CNTNAP2: variants seen among roughly 807,000 people sequenced by gnomAD.
CNTNAP2 encodes contactin associated protein 2, also known as contactin-associated protein-like 2.
CNTNAP2 carries 98 observed loss-of-function variants against 155.2 expected under a neutral mutation model. The ratio of observed to expected loss-of-function variants is 0.63; its 90% CI spans 0.54 to 0.75. The LOEUF is 0.75. CNTNAP2 is among the 30% of genes least tolerant of loss of function. The pLI is 0.00. For synonymous variants in CNTNAP2, 651 were observed against 631.2 expected, an observed-to-expected ratio of 1.03 and a Z score of -0.47; for missense variants, 1,727 against 1,688.1, an observed-to-expected ratio of 1.02 and a Z score of -0.40.
intron 22 of CNTNAP2, among the ~76,000 whole-genome samples, chr7:148,396,332 T>C (rs1799467627): frequency 6.6e-6 from 1 of 152,236 alleles, no homozygotes; most frequent in Admixed American, 6.5e-5. Context: ...AGATGCTTCC[T>C]ACTGTACCGC....
intron 21 of CNTNAP2, among the ~76,000 whole-genome samples, chr7:148,317,376 A>G (rs1286643379): frequency 6.6e-6 from 1 of 151,936 alleles, no homozygotes; most frequent in Non-Finnish European, 1.5e-5. Flanking sequence ...AATTCATGGT[A>G]TTATTCTTTT....
intron 14 of CNTNAP2, among the ~76,000 whole-genome samples, chr7:147,914,667 T>C (rs1004319121): frequency 6.6e-6 from 1 of 152,216 alleles, no homozygotes. Flanking sequence ...GCTCAGGTGA[T>C]CCTCCCACTT....
chr7:146,417,244 G>C (rs1795950192), intron 1 of CNTNAP2, among the ~76,000 whole-genome samples: 1 of 152,074 alleles, frequency 6.6e-6, no homozygotes, highest in African/African-American at 2.4e-5. Flanking sequence ...AAAGCTACTT[G>C]GCAAAGCTTA....
intron 3 of CNTNAP2, among the ~76,000 whole-genome samples, chr7:146,999,530 C>G (rs1473579806): frequency 6.6e-6 from 1 of 151,902 alleles, no homozygotes; most frequent in East Asian, 1.9e-4. Context: ...CACTGGTGTC[C>G]TTTCCTTTCA....
chr7:148,397,673 T>G (rs1407584048), intron 22 of CNTNAP2, among the ~76,000 whole-genome samples: 1 of 152,208 alleles, frequency 6.6e-6, no homozygotes, highest in Non-Finnish European at 1.5e-5. Context: ...TTTTTCACAC[T>G]CCGTTGACAT....
intron 8 of CNTNAP2, among the ~76,000 whole-genome samples, chr7:147,140,752 G>A (rs533643937): frequency 3.9e-5 from 6 of 152,214 alleles, no homozygotes; most frequent in African/African-American, 1.2e-4. Flanking sequence ...TCCTAGGATC[G>A]AGAGACCTGC....
At chr7:147,038,657 G>A (rs1458189402) in intron 3 of CNTNAP2, among the ~76,000 whole-genome samples, 1 of 152,120 alleles carries the variant, frequency 6.6e-6, no homozygotes, top group African/African-American at 2.4e-5. Flanking sequence ...TGTGGTAGCT[G>A]TCCTGCTGTT....
intron 13 of CNTNAP2, among the ~76,000 whole-genome samples, chr7:147,852,568 G>A (rs1280659802): frequency 1.3e-5 from 2 of 152,072 alleles, no homozygotes; most frequent in African/African-American, 2.4e-5. Context: ...ACTATACAAA[G>A]CCTTCCTTAA....
At chr7:146,758,573 T>A (rs1585076611) in intron 1 of CNTNAP2, among the ~76,000 whole-genome samples, 1 of 152,118 alleles carries the variant, frequency 6.6e-6, no homozygotes, top group South Asian at 2.1e-4. Flanking sequence ...TGGCAGAAGG[T>A]GAAAGGCACA....
At chr7:147,703,231 C>A (rs1796262722) in intron 13 of CNTNAP2, among the ~76,000 whole-genome samples, 1 of 152,052 alleles carries the variant, frequency 6.6e-6, no homozygotes, top group Admixed American at 6.6e-5. Context: ...TAGAACACTG[C>A]AAAAACTGAC....
chr7:146,817,353 T>A (rs559843636), intron 2 of CNTNAP2, among the ~76,000 whole-genome samples: 5 of 151,708 alleles, frequency 3.3e-5, no homozygotes, highest in Non-Finnish European at 7.4e-5. Flanking sequence ...ATGCCTGTAA[T>A]CCCAGCTACT....
chr7:147,019,903 A>T (rs1215168642), intron 3 of CNTNAP2, among the ~76,000 whole-genome samples: 1 of 152,158 alleles, frequency 6.6e-6, no homozygotes, highest in Non-Finnish European at 1.5e-5. Context: ...CTAGAAAAAA[A>T]ATAAGTGGAC....
intron 3 of CNTNAP2, among the ~76,000 whole-genome samples, chr7:146,847,644 A>G (rs1398691501): frequency 6.6e-6 from 1 of 152,140 alleles, no homozygotes; most frequent in African/African-American, 2.4e-5. Context: ...TGTTACTTCC[A>G]CTTTATAATA....
chr7:146,978,962 G>A lies in CNTNAP2; in HGVS notation c.403-64945G>A, dbSNP rs186307580. 2.2e-4 allele frequency among the ~76,000 whole-genome samples: 34 copies of A among 152,096 alleles called. No homozygotes were observed. In the South Asian group the frequency reaches 5.8e-3, roughly 26 times the overall value. On this transcript the variant is annotated intron_variant, in intron 3 of 23. Transcript: ENST00000361727. ...TTTAAAAGTTTGAGATTTTGAGTAA[G>A]GTTAATTTATGGTTTAGCTATACCT...
At chr7:147,216,422 A>G (rs1803270371) in intron 8 of CNTNAP2, among the ~76,000 whole-genome samples, 1 of 151,996 alleles carries the variant, frequency 6.6e-6, no homozygotes, top group Admixed American at 6.6e-5. Flanking sequence ...GTAAAGCATC[A>G]TTTGTTAAGA....
rs544057518 is a variant in CNTNAP2 at position 146,469,518 on chromosome 7, C to CTTT, written c.98-304733_98-304731dup. On this transcript the variant is annotated intron_variant, in intron 1 of 23. Transcript: ENST00000361727. ...AGGTAACCACTGTCTTAATAATTGACTTTTTTTTTTTTTTTTTTTTTTAAG... is the reference window on the plus strand; with the variant it reads ...AGGTAACCACTGTCTTAATAATTGACTTTTTTTTTTTTTTTTTTTTTTTTTAAG... Among the ~76,000 whole-genome samples, 159 of 129,056 alleles carry CTTT rather than the reference C, an allele frequency of 1.2e-3. 1 individual carries two copies. The highest frequency in any genetic ancestry group is 4.3e-3 in the Middle Eastern group (1 of 234). The allele number at this position is 129,056 out of a possible 152,430, so 84.7% of individuals were successfully genotyped here.
intron 12 of CNTNAP2, among the ~76,000 whole-genome samples, chr7:147,572,610 T>G (rs902189698): frequency 6.6e-6 from 1 of 152,066 alleles, no homozygotes; most frequent in Non-Finnish European, 1.5e-5. Flanking sequence ...ACAGTGTGGA[T>G]GGCTAGGGAC....
intron 8 of CNTNAP2, among the ~76,000 whole-genome samples, chr7:147,235,845 G>A (rs563737104): frequency 2.6e-5 from 4 of 151,620 alleles, no homozygotes; most frequent in South Asian, 2.1e-4. Flanking sequence ...GTAGATGCCC[G>A]AGGGACTACA....
At chr7:146,342,290 A>T (rs1366158477) in intron 1 of CNTNAP2, among the ~76,000 whole-genome samples, 2 of 152,178 alleles carry the variant, frequency 1.3e-5, no homozygotes, top group Non-Finnish European at 2.9e-5. Flanking sequence ...TTACCAACAT[A>T]CTACAAGTTG....
Sources: gnomAD v4.1 joint callset for allele counts (sites outside exome capture counted in the v4.1 genomes callset) on GRCh38, gnomAD v4.1.1 for gene constraint, MANE v1.5 for transcripts, NCBI Gene and HGNC (gene_info 2026-07-23, HGNC 2026-07-21) for gene names.